PHACTR3: variants seen among roughly 807,000 people sequenced by gnomAD.
The protein encoded by PHACTR3 is phosphatase and actin regulator 3.
In PHACTR3, 16 loss-of-function variants were observed where a neutral mutation model predicts 66.8. The observed-to-expected ratio is 0.24, with a 90% CI of 0.16 to 0.36. The LOEUF (loss-of-function observed/expected upper bound fraction) is 0.36. Among genes scored for constraint, PHACTR3 ranks in the 10% least tolerant of loss-of-function variants. The pLI is 1.00. For missense variants in PHACTR3, 647 were observed against 719.9 expected (o/e 0.90, Z 1.16); for synonymous variants, 323 against 292.1 (o/e 1.11, Z -1.08).
At chr20:59,822,020 G>GTTCCCCAGCA (rs1568856092) in intron 8 of PHACTR3, among the ~76,000 whole-genome samples, 1 of 20,774 alleles carries the variant, frequency 4.8e-5, no homozygotes, top group Non-Finnish European at 9.4e-5. Context: ...CTTCCCCAGC[G>GTTCCCCAGCA]ATCCCACCCC....
At chr20:59,774,529 C>A in intron 7 of PHACTR3, 39 bp downstream of exon 7, 1 of 1,582,918 alleles carries the variant, frequency 6.3e-7, no homozygotes, top group South Asian at 1.1e-5. Context: ...GGGATCTCGG[C>A]CAGAGGTCTA....
chr20:59,825,409 TGTTC>T (rs2042159824), intron 8 of PHACTR3, among the ~76,000 whole-genome samples: 1 of 152,194 alleles, frequency 6.6e-6, no homozygotes, highest in South Asian at 2.1e-4. Flanking sequence ...TTCAGTCACT[TGTTC>T]ATTCATTCAC....
chr20:59,696,337 C>T (rs1419196245), intron 1 of PHACTR3, among the ~76,000 whole-genome samples: 1 of 152,142 alleles, frequency 6.6e-6, no homozygotes, highest in Admixed American at 6.5e-5. Flanking sequence ...TAGTACTGGG[C>T]AGTGGATGGC....
chr20:59,815,419 T>TTG (rs2041858768), intron 8 of PHACTR3, among the ~76,000 whole-genome samples: 1 of 95,374 alleles, frequency 1.0e-5, no homozygotes, highest in African/African-American at 4.9e-5. Flanking sequence ...GGGGTTCTGG[T>TTG]TTTTTTTTTT....
rs1039184541 is a variant in PHACTR3 at position 59,666,319 on chromosome 20, C to G, written c.118+61187C>G. ...GCCCCACATGCCCTGTGAGTCTGCC[C>G]TCTCCCACCCTGCCTAAACCAGGCC... On this transcript the variant is annotated intron_variant, in intron 1 of 12. Transcript: ENST00000371015. 2.0e-5 allele frequency among the ~76,000 whole-genome samples: 3 copies of G among 152,200 alleles called. No homozygotes were observed. The East Asian group carries it at 5.8e-4, about 29-fold the overall frequency.
intron 4 of PHACTR3, among the ~76,000 whole-genome samples, chr20:59,765,732 C>T (rs1420770843): frequency 6.6e-6 from 1 of 152,172 alleles, no homozygotes; most frequent in Non-Finnish European, 1.5e-5. Flanking sequence ...CCTCCCTGAC[C>T]ACTGTGTTTT....
At position 59,657,252 on chromosome 20, in the gene PHACTR3, G is replaced by C. The variant is rs942232599; in HGVS notation, c.118+52120G>C. ...GTATGTTATAGGCACAATGATAGAAGTGTGTTGTGTGTGTGTGTGTGTGTG... is the reference window on the plus strand; with the variant it reads ...GTATGTTATAGGCACAATGATAGAACTGTGTTGTGTGTGTGTGTGTGTGTG... On this transcript the variant is annotated intron_variant, in intron 1 of 12. Transcript: ENST00000371015. 3.5e-4 allele frequency among the ~76,000 whole-genome samples: 36 copies of C among 102,766 alleles called. 1 individual carries two copies. The highest frequency in any genetic ancestry group is 1.3e-3 in the African/African-American group (33 of 25,590). The allele number at this position is 102,766 out of a possible 152,430, so 67.4% of individuals were successfully genotyped here.
chr20:59,841,324 T>C lies in PHACTR3; in HGVS notation c.1447-71T>C, dbSNP rs542617390. On this transcript the variant is annotated intron_variant, in intron 10 of 12. Transcript: ENST00000371015. ...TTGTTTTGTTTTTTAAGAGAAGTGC[T>C]GTTTGTTCAGAGTACTTCAAAAAAG... is the stretch of plus-strand genomic sequence containing the variant. 6.2e-6 allele frequency: 9 copies of C among 1,445,050 alleles called. 1 individual carries two copies. The Admixed American group carries it at 2.0e-4, about 32-fold the overall frequency. The allele number at this position is 1,445,050 out of a possible 1,614,324, so 89.5% of individuals were successfully genotyped here. A position where few individuals can be genotyped will look rare whatever the true frequency, so the allele number is the denominator to read the frequency against.
intron 1 of PHACTR3, chr20:59,628,813 G>A (rs1412020958): frequency 6.1e-6 from 6 of 985,316 alleles, no homozygotes; most frequent in African/African-American, 1.7e-5. Flanking sequence ...GAAGAGCCAC[G>A]GAGGTTAGAT....
At chr20:59,832,212 C>G (rs918897626) in intron 8 of PHACTR3, among the ~76,000 whole-genome samples, 2 of 152,194 alleles carry the variant, frequency 1.3e-5, no homozygotes, top group Non-Finnish European at 2.9e-5. Context: ...ACATTCCTCT[C>G]TCTGAGCCTC....
intron 8 of PHACTR3, among the ~76,000 whole-genome samples, chr20:59,832,918 G>T (rs1055624580): frequency 6.6e-6 from 1 of 152,216 alleles, no homozygotes; most frequent in Admixed American, 6.5e-5. Context: ...TGGGTTGGCA[G>T]AACCACCCTA....
At chr20:59,594,749 CATTGATTTTCTTT>C (rs2033276223) in intron 1 of PHACTR3, among the ~76,000 whole-genome samples, 1 of 152,082 alleles carries the variant, frequency 6.6e-6, no homozygotes. Flanking sequence ...CTTTTGGTTT[CATTGATTTTCTTT>C]ATTGATTTTC....
chr20:59,749,094 G>A (rs2039481446), intron 3 of PHACTR3, among the ~76,000 whole-genome samples: 1 of 152,156 alleles, frequency 6.6e-6, no homozygotes, highest in African/African-American at 2.4e-5. Context: ...CAAGTCCCGT[G>A]GCACTCAGAT....
At chr20:59,818,330 A>G (rs2041941234) in intron 8 of PHACTR3, among the ~76,000 whole-genome samples, 1 of 152,202 alleles carries the variant, frequency 6.6e-6, no homozygotes, top group Non-Finnish European at 1.5e-5. Context: ...GAGCCGTCAC[A>G]CGTAGAATGC....
chr20:59,764,372 C>A (rs1488313961), intron 4 of PHACTR3, among the ~76,000 whole-genome samples: 2 of 152,140 alleles, frequency 1.3e-5, no homozygotes, highest in Non-Finnish European at 2.9e-5. Flanking sequence ...ACCCTTGGAG[C>A]CTGGTTCAGA....
chr20:59,659,715 C>T (rs1051536448), intron 1 of PHACTR3, among the ~76,000 whole-genome samples: 4 of 152,086 alleles, frequency 2.6e-5, no homozygotes, highest in African/African-American at 9.7e-5. Flanking sequence ...CATGTATTAC[C>T]AGCTTCGAGT....
At chr20:59,825,439 TTCAC>T (rs1178326650) in intron 8 of PHACTR3, among the ~76,000 whole-genome samples, 4 of 152,216 alleles carry the variant, frequency 2.6e-5, no homozygotes, top group Non-Finnish European at 5.9e-5. Context: ...CATTCACTCA[TTCAC>T]TCATTCATTC....
At chr20:59,775,078 C>A (rs538166949) in intron 7 of PHACTR3, among the ~76,000 whole-genome samples, 152 of 79,590 alleles carry the variant, frequency 1.9e-3, no homozygotes, top group African/African-American at 4.5e-3. Context: ...CCTCATGGTG[C>A]GTTCTCCCAT....
intron 8 of PHACTR3, among the ~76,000 whole-genome samples, chr20:59,832,054 G>A (rs2042400057): frequency 6.6e-6 from 1 of 152,140 alleles, no homozygotes; most frequent in Non-Finnish European, 1.5e-5. Context: ...TCTCTGTGCT[G>A]GGAGAATGCT....
Sources: allele counts gnomAD v4.1 joint callset (sites outside exome capture counted in the v4.1 genomes callset), GRCh38; gene constraint gnomAD v4.1.1; transcripts MANE v1.5; gene names NCBI Gene and HGNC (gene_info 2026-07-23, HGNC 2026-07-21).